PDE5A: variants seen among roughly 807,000 people sequenced by gnomAD.
The protein encoded by PDE5A is cGMP-specific 3',5'-cyclic phosphodiesterase.
A neutral mutation model predicts 110.2 loss-of-function variants in PDE5A; 67 were observed. The observed-to-expected ratio is 0.61, with a 90% CI of 0.50 to 0.75. The LOEUF (loss-of-function observed/expected upper bound fraction) is 0.75. Ranked by LOEUF, PDE5A falls within the 30% of genes least tolerant of loss-of-function variation. The probability of loss-of-function intolerance (pLI) is 0.00; values close to 1 mark genes in which losing one functional copy is unlikely to be tolerated. For missense variants in PDE5A, 862 were observed against 1,045.1 expected (o/e 0.82, Z 2.42); for synonymous variants, 328 against 351.2 (o/e 0.93, Z 0.74).
intron 2 of PDE5A, among the ~76,000 whole-genome samples, chr4:119,603,329 C>G (rs1032580054): frequency 1.3e-5 from 2 of 152,090 alleles, no homozygotes; most frequent in African/African-American, 4.8e-5. Flanking sequence ...ATCAGCTAAT[C>G]CAGGACTCCA....
At chr4:119,601,879 G>A (rs1407840622) in intron 2 of PDE5A, among the ~76,000 whole-genome samples, 1 of 152,182 alleles carries the variant, frequency 6.6e-6, no homozygotes, top group African/African-American at 2.4e-5. Context: ...GAATCTATTT[G>A]TGAAGGACAT....
At chr4:119,511,023 C>T (rs1725725648) in intron 15 of PDE5A, 24 bp downstream of exon 15, 3 of 1,289,674 alleles carry the variant, frequency 2.3e-6, no homozygotes, top group Non-Finnish European at 2.2e-6. Flanking sequence ...TTTAAAATTC[C>T]ACAACAATAA....
At chr4:119,510,765 T>G (rs1725715537) in intron 15 of PDE5A, among the ~76,000 whole-genome samples, 2 of 152,106 alleles carry the variant, frequency 1.3e-5, no homozygotes, top group African/African-American at 4.8e-5. Flanking sequence ...CAGAATTAAC[T>G]GAGAGCCACA....
At chr4:119,508,009 C>T (rs543046592) in intron 15 of PDE5A, among the ~76,000 whole-genome samples, 3 of 151,430 alleles carry the variant, frequency 2.0e-5, no homozygotes, top group Non-Finnish European at 4.4e-5. Flanking sequence ...GCAGACTAAT[C>T]GCTATAATTT....
In PDE5A at chr4:119,521,001, A is replaced by G; in HGVS notation, c.1839T>C (p.His613=). The change falls in exon 13 of 21, where the codon CAT becomes CAC. Residue 613 remains histidine, a synonymous_variant. Coordinates refer to ENST00000354960, the MANE Select transcript of PDE5A (RefSeq NM_001083.4). ...CTGTATTAAAGGCATGTCTCCAATT[A>G]TGATAGGCAACATTCTTCCGATAAT... ...KKNYRKNVAY[H]NWRHAFNTAQ... is the part of the protein sequence containing the mutation. 2 of 1,613,180 alleles carry G rather than the reference A, an allele frequency of 1.2e-6. No homozygotes were observed. The highest frequency in any genetic ancestry group is 8.5e-7 in the Non-Finnish European group (1 of 1,179,262).
intron 2 of PDE5A, among the ~76,000 whole-genome samples, chr4:119,598,879 G>A (rs951317621): frequency 1.3e-5 from 2 of 152,134 alleles, no homozygotes; most frequent in African/African-American, 4.8e-5. Context: ...GTGACCAAAA[G>A]ATACTGAGTT....
At chr4:119,537,266 T>G (rs967396550) in intron 11 of PDE5A, among the ~76,000 whole-genome samples, 1 of 152,140 alleles carries the variant, frequency 6.6e-6, no homozygotes, top group African/African-American at 2.4e-5. Context: ...CCACTCTGTT[T>G]TACACAAAAC....
intron 11 of PDE5A, among the ~76,000 whole-genome samples, chr4:119,532,399 T>G (rs985702161): frequency 5.3e-5 from 8 of 152,170 alleles, no homozygotes; most frequent in Non-Finnish European, 1.2e-4. Context: ...ATAGAGAATG[T>G]GAGTCCACAT....
Position 119,628,566 on chromosome 4 carries a change from C to T in PDE5A, c.106G>A (p.Asp36Asn), listed in dbSNP as rs761024525. 16 of 1,606,524 alleles carry T rather than the reference C, an allele frequency of 1.0e-5. No individual in the cohort carries two copies. Among genetic ancestry groups the T allele is most frequent in the East Asian group, 6.7e-5 (3 of 44,584 alleles). Residue 36 changes from aspartate to asparagine, a missense_variant, in exon 1 of 21, where the codon GAT (aspartate) becomes AAT (asparagine). Coordinates refer to ENST00000354960, the MANE Select transcript of PDE5A (RefSeq NM_001083.4). ...DQDSVEAWLD[D>N]HWDFTFSYFV... is the part of the protein sequence containing the mutation. ...TATGAGAAGGTAAAGTCCCAGTGAT[C>T]GTCCAGCCATGCTTCGACCGAGTCC...
intron 2 of PDE5A, among the ~76,000 whole-genome samples, chr4:119,604,111 T>C (rs998640171): frequency 5.3e-5 from 8 of 152,180 alleles, no homozygotes; most frequent in Admixed American, 6.5e-5. Context: ...GCAAGGCTAC[T>C]ATAAATACAG....
chr4:119,609,175 A>G (rs1381026219), intron 1 of PDE5A, among the ~76,000 whole-genome samples: 1 of 151,930 alleles, frequency 6.6e-6, no homozygotes, highest in East Asian at 1.9e-4. Context: ...AAAAAAAATA[A>G]AAAAAAATAG....
chr4:119,559,700 T>G (rs1727678553), intron 7 of PDE5A, among the ~76,000 whole-genome samples: 1 of 152,182 alleles, frequency 6.6e-6, no homozygotes, highest in Non-Finnish European at 1.5e-5. Flanking sequence ...ATGTCAAATC[T>G]GCTAGAAAAT....
At chr4:119,509,407 T>A (rs556994918) in intron 15 of PDE5A, among the ~76,000 whole-genome samples, 252 of 152,128 alleles carry the variant, frequency 1.7e-3, no homozygotes, top group African/African-American at 5.4e-3. Context: ...AGGTGGGCAT[T>A]GAAAGAAGAG....
intron 1 of PDE5A, among the ~76,000 whole-genome samples, chr4:119,610,313 A>G (rs142224719): frequency 6.6e-6 from 1 of 152,364 alleles, no homozygotes; most frequent in East Asian, 1.9e-4. Flanking sequence ...GAAGCTTTCA[A>G]ATAAAACTGT....
At chr4:119,579,918 G>A (rs1374109263) in intron 3 of PDE5A, among the ~76,000 whole-genome samples, 1 of 152,184 alleles carries the variant, frequency 6.6e-6, no homozygotes, top group Non-Finnish European at 1.5e-5. Flanking sequence ...TGTAATTGCT[G>A]AAGGTATGTG....
intron 15 of PDE5A, among the ~76,000 whole-genome samples, chr4:119,508,221 G>C (rs1725621501): frequency 6.6e-6 from 1 of 151,988 alleles, no homozygotes; most frequent in Non-Finnish European, 1.5e-5. Flanking sequence ...AAGGGCATGA[G>C]CCAAAGGGTG....
chr4:119,591,425 G>A (rs1412213503), intron 3 of PDE5A, among the ~76,000 whole-genome samples: 1 of 151,780 alleles, frequency 6.6e-6, no homozygotes, highest in Admixed American at 6.6e-5. Flanking sequence ...TTCCATCCTG[G>A]TTTGTCAGCC....
Position 119,502,711 on chromosome 4 carries a change from C to A in PDE5A, c.2332-56G>T, listed in dbSNP as rs555668748. Reference sequence around the variant, plus strand: ...ATGAAAAGCATATCATTCTTTAAAACAGAGACCGTGAATGAAGGCCCTGTT... The same window carrying A: ...ATGAAAAGCATATCATTCTTTAAAAAAGAGACCGTGAATGAAGGCCCTGTT... On this transcript the variant is annotated intron_variant, in intron 18 of 20. Transcript: ENST00000354960. The A allele has an allele frequency of 5.5e-5, 64 of 1,172,544 alleles. No homozygotes were observed. The African/African-American group carries it at 8.5e-4, about 16-fold the overall frequency. 72.6% of individuals were successfully genotyped at this position (1,172,544 alleles called of 1,614,324 possible). A position where few individuals can be genotyped will look rare whatever the true frequency, so the allele number is the denominator to read the frequency against.
At chr4:119,600,358 T>C (rs1270322411) in intron 2 of PDE5A, among the ~76,000 whole-genome samples, 1 of 152,134 alleles carries the variant, frequency 6.6e-6, no homozygotes, top group African/African-American at 2.4e-5. Flanking sequence ...CAGAAATAAA[T>C]ACAATATAGA....
Sources: gnomAD v4.1 joint callset for allele counts (sites outside exome capture counted in the v4.1 genomes callset) on GRCh38, gnomAD v4.1.1 for gene constraint, MANE v1.5 for transcripts, NCBI Gene and HGNC (gene_info 2026-07-23, HGNC 2026-07-21) for gene names.